STX8: variants seen among roughly 807,000 people sequenced by gnomAD.
STX8 encodes syntaxin 8.
A neutral mutation model predicts 37.5 loss-of-function variants in STX8; 23 were observed. The ratio of observed to expected loss-of-function variants is 0.61; its 90% CI spans 0.44 to 0.87. The LOEUF is 0.87. Among genes scored for constraint, STX8 ranks in the 40% least tolerant of loss-of-function variants. STX8 has a pLI of 0.00. For synonymous variants in STX8, 115 were observed against 99.1 expected, an observed-to-expected ratio of 1.16 and a Z score of -0.95; for missense variants, 313 against 284.7, an observed-to-expected ratio of 1.10 and a Z score of -0.71.
intron 3 of STX8, among the ~76,000 whole-genome samples, chr17:9,545,611 C>A (rs369127411): frequency 6.6e-6 from 1 of 152,176 alleles, no homozygotes; most frequent in African/African-American, 2.4e-5. Context: ...GACAGAGTCT[C>A]GCTCTGTCGC....
chr17:9,507,155 C>T lies in STX8; in HGVS notation c.324-1993G>A, dbSNP rs532394530. On this transcript the variant is annotated intron_variant, in intron 4 of 7. Transcript: ENST00000306357. The surrounding 1 kb of genome is among the most constrained non-coding windows in gnomAD (Gnocchi z 4.0). ...GCAGAGTGACTACGCTCCTGCATCC[C>T]GGATCTATGAAACAGTCGGGCAGTG... Among the ~76,000 whole-genome samples, 11 of 152,032 alleles carry T rather than the reference C, an allele frequency of 7.2e-5. No individual in the cohort carries two copies. Among genetic ancestry groups the T allele is most frequent in the East Asian group, 1.9e-4 (1 of 5,164 alleles).
At chr17:9,492,821 C>T (rs775481068) in intron 5 of STX8, among the ~76,000 whole-genome samples, 4 of 152,108 alleles carry the variant, frequency 2.6e-5, no homozygotes, top group African/African-American at 4.8e-5. Flanking sequence ...GGCAGCCAGT[C>T]GCGGTGGCTC....
intron 6 of STX8, among the ~76,000 whole-genome samples, chr17:9,393,641 GTA>G (rs1486532890): frequency 6.6e-6 from 1 of 152,166 alleles, no homozygotes; most frequent in Non-Finnish European, 1.5e-5. Context: ...TTTTAAGTAT[GTA>G]TATTGTCATC....
At chr17:9,472,830 C>A (rs970017019) in intron 6 of STX8, among the ~76,000 whole-genome samples, 1 of 152,148 alleles carries the variant, frequency 6.6e-6, no homozygotes, top group Non-Finnish European at 1.5e-5. Context: ...CCTTGGAAAA[C>A]CCTCATCCCT....
At chr17:9,432,666 C>T (rs191003453) in intron 6 of STX8, among the ~76,000 whole-genome samples, 9 of 152,214 alleles carry the variant, frequency 5.9e-5, no homozygotes, top group African/African-American at 1.7e-4. Flanking sequence ...CTTTTGGTTT[C>T]GAATGAGCAA....
intron 7 of STX8, among the ~76,000 whole-genome samples, chr17:9,251,737 G>A (rs142658225): frequency 2.8e-4 from 42 of 152,206 alleles, no homozygotes; most frequent in Non-Finnish European, 4.7e-4. Flanking sequence ...TTTGCTTTCC[G>A]GTCCAAGTTC....
chr17:9,450,750 T>C (rs1905014068), intron 6 of STX8, among the ~76,000 whole-genome samples: 1 of 152,138 alleles, frequency 6.6e-6, no homozygotes, highest in Non-Finnish European at 1.5e-5. Context: ...CAATTTCAAG[T>C]CAGCACTTTT....
At position 9,287,457 on chromosome 17, in the gene STX8, C is replaced by A. The variant is rs79439829; in HGVS notation, c.644-36812G>T. Among the ~76,000 whole-genome samples, 169 of 152,202 alleles carry A rather than the reference C, an allele frequency of 1.1e-3. 3 individuals are homozygous for A. The East Asian group carries it at 0.032, about 29-fold the overall frequency. Reference sequence around the variant, plus strand: ...GGCACAGAAGAAGAAAGGGATATGACGAGATGCTGGAAATAGGGAGATGAA... The same window carrying A: ...GGCACAGAAGAAGAAAGGGATATGAAGAGATGCTGGAAATAGGGAGATGAA... On this transcript the variant is annotated intron_variant, in intron 7 of 7. Coordinates refer to ENST00000306357, the MANE Select transcript of STX8 (RefSeq NM_004853.3).
intron 3 of STX8, among the ~76,000 whole-genome samples, chr17:9,551,263 T>C (rs1414811650): frequency 6.6e-6 from 1 of 152,154 alleles, no homozygotes; most frequent in Admixed American, 6.5e-5. Flanking sequence ...TAAATATTTA[T>C]GATGTACCAG....
chr17:9,255,731 G>T (rs573806003), intron 7 of STX8, among the ~76,000 whole-genome samples: 1 of 147,812 alleles, frequency 6.8e-6, no homozygotes, highest in African/African-American at 2.7e-5. Context: ...AGAGCAAACA[G>T]GGGGAGACTT....
chr17:9,565,116 G>A (rs978361931), intron 2 of STX8, among the ~76,000 whole-genome samples: 3 of 152,198 alleles, frequency 2.0e-5, no homozygotes, highest in African/African-American at 4.8e-5. Flanking sequence ...GCTGAGGCAC[G>A]GGAATCACTT....
chr17:9,457,924 A>G lies in STX8; in HGVS notation c.541+33905T>C, dbSNP rs554782784. On this transcript the variant is annotated intron_variant, in intron 6 of 7. Transcript: ENST00000306357. ...ATAGGTTCACTGTGATTGGCATAGG[A>G]TAAGAATTTGGAATGGATGTTGGAG... is the stretch of plus-strand genomic sequence containing the variant. Among the ~76,000 whole-genome samples the G allele has an allele frequency of 6.6e-5, 10 of 152,326 alleles. No homozygotes were observed. In the East Asian group the frequency reaches 1.9e-3, roughly 29 times the overall value.
In STX8 at chr17:9,328,988, T is replaced by G. The variant is rs1012770621; in HGVS notation, c.643+49564A>C. On this transcript the variant is annotated intron_variant, in intron 7 of 7. Coordinates refer to ENST00000306357, the MANE Select transcript of STX8 (RefSeq NM_004853.3). ...TCACTTGAACCCAGGAGGTGGAGGT[T>G]GCAGTGAGCTGAGATCGCGCCACTG... Among the ~76,000 whole-genome samples the G allele has an allele frequency of 7.4e-5, 10 of 134,852 alleles. No individual in the cohort carries two copies. In the Admixed American group the frequency reaches 9.1e-4, roughly 12 times the overall value. The allele number at this position is 134,852 out of a possible 152,430, so 88.5% of individuals were successfully genotyped here. A position where few individuals can be genotyped will look rare whatever the true frequency, so the allele number is the denominator to read the frequency against.
At chr17:9,479,769 G>C (rs994380273) in intron 6 of STX8, among the ~76,000 whole-genome samples, 27 of 151,804 alleles carry the variant, frequency 1.8e-4, no homozygotes, top group Non-Finnish European at 2.9e-5. Context: ...ATAGCATAGG[G>C]TGATGGTCAC....
At chr17:9,281,563 G>C (rs147321417) in intron 7 of STX8, among the ~76,000 whole-genome samples, 74 of 152,232 alleles carry the variant, frequency 4.9e-4, no homozygotes, top group African/African-American at 1.5e-3. Context: ...CTGTTTGGGT[G>C]GGGGGCTGGG....
chr17:9,491,560 A>G lies in STX8; in HGVS notation c.541+269T>C, dbSNP rs1204373152. ...TTTCATATCACTGCCACATAGAAGA[A>G]AAGCTCTTGGGATGAATGGATCATA... On this transcript the variant is annotated intron_variant, in intron 6 of 7. Coordinates refer to ENST00000306357, the MANE Select transcript of STX8 (RefSeq NM_004853.3). 3.3e-5 allele frequency among the ~76,000 whole-genome samples: 5 copies of G among 152,174 alleles called. No individual in the cohort carries two copies. The South Asian group carries it at 8.3e-4, about 25-fold the overall frequency.
intron 6 of STX8, among the ~76,000 whole-genome samples, chr17:9,411,038 C>CA (rs1391695869): frequency 6.6e-6 from 1 of 152,190 alleles, no homozygotes; most frequent in Non-Finnish European, 1.5e-5. Flanking sequence ...ACAACCACTG[C>CA]AAAGTCCATA....
chr17:9,533,464 C>T (rs950076101), intron 4 of STX8, among the ~76,000 whole-genome samples: 6 of 152,006 alleles, frequency 3.9e-5, no homozygotes, highest in Non-Finnish European at 5.9e-5. Flanking sequence ...GACTCCATCT[C>T]GAAACAAAAC....
intron 6 of STX8, among the ~76,000 whole-genome samples, chr17:9,422,007 T>C (rs2142352523): frequency 6.6e-6 from 1 of 152,208 alleles, no homozygotes; most frequent in Non-Finnish European, 1.5e-5. Flanking sequence ...GATTCTAAGC[T>C]TCCTGAGGCC....
Sources: gnomAD v4.1 joint callset for allele counts (sites outside exome capture counted in the v4.1 genomes callset) on GRCh38, gnomAD v4.1.1 for gene constraint, Gnocchi (gnomAD v3.1) non-coding constraint, MANE v1.5 for transcripts, NCBI Gene and HGNC (gene_info 2026-07-23, HGNC 2026-07-21) for gene names.